EPB41: variants seen among roughly 807,000 people sequenced by gnomAD.
EPB41 encodes the protein erythrocyte membrane protein band 4.1.
EPB41 carries 65 observed loss-of-function variants against 108.0 expected under a neutral mutation model. The ratio of observed to expected loss-of-function variants is 0.60; its 90% CI spans 0.49 to 0.74. The LOEUF is 0.74. Ranked by LOEUF, EPB41 falls within the 30% of genes least tolerant of loss-of-function variation. The pLI is 0.00. For missense variants in EPB41, 875 were observed against 1,037.0 expected, an observed-to-expected ratio of 0.84 and a Z score of 2.15; for synonymous variants, 336 against 358.9, an observed-to-expected ratio of 0.94 and a Z score of 0.72.
intron 2 of EPB41, among the ~76,000 whole-genome samples, chr1:28,991,970 G>A (rs1389240330): frequency 1.3e-5 from 2 of 152,068 alleles, no homozygotes; most frequent in African/African-American, 4.8e-5. Flanking sequence ...TTGTATAAAT[G>A]TTTGGTATTA....
chr1:28,968,972 C>G (rs112649272), intron 1 of EPB41, among the ~76,000 whole-genome samples: 42 of 137,416 alleles, frequency 3.1e-4, no homozygotes, highest in South Asian at 1.3e-3. Context: ...CTCCAAAACC[C>G]CCCACCCCCC....
intron 17 of EPB41, among the ~76,000 whole-genome samples, chr1:29,103,428 C>T (rs905302013): frequency 6.6e-6 from 1 of 152,102 alleles, no homozygotes. Flanking sequence ...GTCTTAATTC[C>T]GACATTTGCT....
intron 11 of EPB41, chr1:29,041,501 T>TA (rs1424037940): frequency 6.6e-6 from 1 of 151,978 alleles, no homozygotes; most frequent in Non-Finnish European, 1.5e-5. Flanking sequence ...AAGTAAAAGA[T>TA]ATAAGTTCAG....
intron 1 of EPB41, among the ~76,000 whole-genome samples, chr1:28,975,846 CAGG>C (rs1334050375): frequency 6.9e-6 from 1 of 144,558 alleles, no homozygotes; most frequent in Non-Finnish European, 1.5e-5. Flanking sequence ...CGGGCTGAGG[CAGG>C]AGAATGGCGT....
At chr1:29,080,411 CTTTTTTTT>C (rs62880161) in intron 16 of EPB41, among the ~76,000 whole-genome samples, 5 of 139,722 alleles carry the variant, frequency 3.6e-5, no homozygotes, top group Admixed American at 7.2e-5. Flanking sequence ...CCCTTTTTTT[CTTTTTTTT>C]TTTTTTTGAG....
intron 18 of EPB41, among the ~76,000 whole-genome samples, chr1:29,110,076 C>G (rs1326672418): frequency 6.6e-6 from 1 of 151,318 alleles, no homozygotes. Context: ...GTAATCACAC[C>G]TGTAATTCCA....
intron 7 of EPB41, among the ~76,000 whole-genome samples, chr1:29,023,007 A>G (rs2096665805): frequency 6.6e-6 from 1 of 151,862 alleles, no homozygotes; most frequent in South Asian, 2.1e-4. Context: ...ATTTTATTTT[A>G]TTTTGAAATG....
At chr1:28,935,004 A>G (rs1442344121) in intron 1 of EPB41, among the ~76,000 whole-genome samples, 1 of 151,854 alleles carries the variant, frequency 6.6e-6, no homozygotes, top group African/African-American at 2.4e-5. Flanking sequence ...GGTCCCAGCT[A>G]CTCAGGAGGC....
intron 11 of EPB41, among the ~76,000 whole-genome samples, chr1:29,052,846 T>C (rs1000150195): frequency 3.3e-5 from 5 of 152,194 alleles, no homozygotes; most frequent in African/African-American, 1.2e-4. Context: ...TGATCTTGTC[T>C]CCCCTGAATT....
upstream of EPB41, chr1:28,910,885 G>T: frequency 1.3e-6 from 1 of 768,566 alleles, no homozygotes. Context: ...GCTGGCAGGC[G>T]AGATAGAGAT....
chr1:28,963,437 A>C (rs1441723688), intron 1 of EPB41, among the ~76,000 whole-genome samples: 1 of 151,956 alleles, frequency 6.6e-6, no homozygotes, highest in African/African-American at 2.4e-5. Context: ...AATCTGAAAG[A>C]ATCATTTCAA....
At chr1:29,022,676 G>A (rs576531109) in intron 7 of EPB41, among the ~76,000 whole-genome samples, 1 of 151,798 alleles carries the variant, frequency 6.6e-6, no homozygotes, top group Non-Finnish European at 1.5e-5. Flanking sequence ...AGCCAAGATC[G>A]TGCCATTGCA....
chr1:29,007,012 G>C (rs2096415978), intron 4 of EPB41, among the ~76,000 whole-genome samples: 1 of 151,982 alleles, frequency 6.6e-6, no homozygotes, highest in African/African-American at 2.4e-5. Context: ...CTCTTAGGTA[G>C]GGTTTCTTTG....
At chr1:29,078,420 A>T (rs1376570081) in intron 16 of EPB41, among the ~76,000 whole-genome samples, 1 of 152,168 alleles carries the variant, frequency 6.6e-6, no homozygotes, top group Non-Finnish European at 1.5e-5. Context: ...AAAAGATGAG[A>T]CATTCATTTC....
chr1:28,996,064 A>G (rs1163312606), intron 3 of EPB41, among the ~76,000 whole-genome samples: 1 of 152,182 alleles, frequency 6.6e-6, no homozygotes, highest in East Asian at 1.9e-4. Flanking sequence ...CACATATTTG[A>G]TTATTGTTAA....
intron 16 of EPB41, among the ~76,000 whole-genome samples, chr1:29,066,680 T>C (rs1022730595): frequency 7.9e-5 from 12 of 152,148 alleles, no homozygotes; most frequent in Admixed American, 2.6e-4. Flanking sequence ...ACTTTTTTTT[T>C]CCCTTTCTTT....
chr1:28,920,687 T>C (rs530705694), intron 1 of EPB41, among the ~76,000 whole-genome samples: 3 of 152,292 alleles, frequency 2.0e-5, no homozygotes, highest in East Asian at 3.9e-4. Context: ...TCACCCAGGC[T>C]GGAGTGCAGT....
At chr1:29,098,649 A>G (rs942744581) in intron 17 of EPB41, among the ~76,000 whole-genome samples, 7 of 152,292 alleles carry the variant, frequency 4.6e-5, no homozygotes, top group African/African-American at 1.4e-4. Flanking sequence ...ACTGACTTGG[A>G]CAAGTAATTG....
In EPB41 at chr1:29,018,053, A is replaced by G. The variant is rs541148822; in HGVS notation, c.906-171A>G. ...TAGCGCAATGAACTACCATATACCA[A>G]CTACCTAGATTGAAGTTATTATTAT... On this transcript the variant is annotated intron_variant, in intron 6 of 20. Coordinates refer to ENST00000343067, the MANE Select transcript of EPB41 (RefSeq NM_001376013.1). This position sits in a 1 kb window ranked among gnomAD's most constrained non-coding sequence, Gnocchi z 4.4. 4.6e-5 allele frequency among the ~76,000 whole-genome samples: 7 copies of G among 152,090 alleles called. No homozygotes were observed. Among genetic ancestry groups the G allele is most frequent in the African/African-American group, 1.4e-4 (6 of 41,482 alleles).
Sources: allele counts gnomAD v4.1 joint callset (sites outside exome capture counted in the v4.1 genomes callset), GRCh38; gene constraint gnomAD v4.1.1; non-coding constraint Gnocchi (gnomAD v3.1); transcripts MANE v1.5; gene names NCBI Gene and HGNC (gene_info 2026-07-23, HGNC 2026-07-21).